Variants in ZNF735 observed in about 807,000 individuals in gnomAD.
ZNF735 encodes the protein zinc finger protein 735, also known as putative zinc finger protein 735.
Under a neutral mutation model 13.4 loss-of-function variants are expected in ZNF735, and 11 were observed. The observed-to-expected ratio is 0.82, with a 90% CI of 0.52 to 1.36. ZNF735 has a LOEUF of 1.36. ZNF735 is among the 40% of genes most tolerant of loss of function. The pLI is 0.00. For synonymous variants in ZNF735, 171 were observed against 162.6 expected (o/e 1.05, Z -0.39); for missense variants, 500 against 484.6 (o/e 1.03, Z -0.30).
intron 3 of ZNF735, among the ~76,000 whole-genome samples, chr7:64,215,343 C>A (rs1787407374): frequency 6.6e-6 from 1 of 152,150 alleles, no homozygotes; most frequent in Admixed American, 6.5e-5. Context: ...CATGAGTGAG[C>A]CACTGCACCC....
chr7:64,213,742 C>G (rs1787387374), intron 2 of ZNF735, among the ~76,000 whole-genome samples: 1 of 152,086 alleles, frequency 6.6e-6, no homozygotes, highest in Non-Finnish European at 1.5e-5. Flanking sequence ...AGGCAGATCA[C>G]AAGGTCAGGA....
chr7:64,210,728 T>A (rs1228884751), intron 1 of ZNF735, among the ~76,000 whole-genome samples: 1 of 151,728 alleles, frequency 6.6e-6, no homozygotes, highest in Non-Finnish European at 1.5e-5. Context: ...TTTTATTAGT[T>A]ATGGAGAAGC....
At chr7:64,211,558 G>C (rs564817415) in intron 1 of ZNF735, among the ~76,000 whole-genome samples, 1 of 152,092 alleles carries the variant, frequency 6.6e-6, no homozygotes, top group African/African-American at 2.4e-5. Flanking sequence ...GCATAAAACT[G>C]ATGTTTCTTT....
rs1787392628 is a variant in ZNF735, at chr7:64,214,142, T to C, written c.262+34T>C. On this transcript the variant is annotated intron_variant, in intron 3 of 3. Transcript: ENST00000429565. ...GAGCAAATGAAGCAGATGACACGGATGAGATGTCCACAAGTCAAGGAGGTA... is the reference window on the plus strand; with the variant it reads ...GAGCAAATGAAGCAGATGACACGGACGAGATGTCCACAAGTCAAGGAGGTA... The C allele has an allele frequency of 5.0e-6, 8 of 1,591,302 alleles. No individual in the cohort carries two copies. The East Asian group carries it at 1.8e-4, about 36-fold the overall frequency.
intron 2 of ZNF735, among the ~76,000 whole-genome samples, 178 bp from the exon 3 acceptor site, chr7:64,213,835 T>C (rs1371626068): frequency 6.6e-6 from 1 of 152,050 alleles, no homozygotes; most frequent in African/African-American, 2.4e-5. Context: ...GGTATGTGCC[T>C]GTAGTCCCAG....
intron 3 of ZNF735, among the ~76,000 whole-genome samples, chr7:64,217,301 C>T (rs995480523): frequency 1.3e-5 from 2 of 152,178 alleles, no homozygotes; most frequent in Admixed American, 1.3e-4. Context: ...TCCTCATATC[C>T]TCACCAGAAA....
intron 1 of ZNF735, among the ~76,000 whole-genome samples, chr7:64,208,163 G>T (rs1787312553): frequency 6.7e-6 from 1 of 148,984 alleles, no homozygotes; most frequent in Non-Finnish European, 1.5e-5. Flanking sequence ...AAATTTATTG[G>T]TTATGTCATC....
chr7:64,208,627 C>T (rs916870209), intron 1 of ZNF735, among the ~76,000 whole-genome samples: 3 of 151,840 alleles, frequency 2.0e-5, no homozygotes, highest in African/African-American at 7.3e-5. Context: ...TAGGTAAAAT[C>T]ATATCATGAA....
chr7:64,207,986 C>G (rs984344337), intron 1 of ZNF735, among the ~76,000 whole-genome samples: 19 of 143,064 alleles, frequency 1.3e-4, no homozygotes, highest in Non-Finnish European at 2.6e-4. Context: ...GACTCCACCT[C>G]AAAAAAAAAA....
chr7:64,211,380 G>A (rs886298312), intron 1 of ZNF735, among the ~76,000 whole-genome samples: 7 of 152,154 alleles, frequency 4.6e-5, no homozygotes, highest in African/African-American at 1.4e-4. Context: ...TTAGTTCCAT[G>A]CAGAACAGGG....
chr7:64,214,230 G>A, intron 3 of ZNF735, 122 bp downstream of exon 3: 2 of 1,091,172 alleles, frequency 1.8e-6, no homozygotes, highest in South Asian at 3.3e-5. Context: ...TGAGAAGCTT[G>A]AGTATTTTTT....
intron 1 of ZNF735, among the ~76,000 whole-genome samples, chr7:64,209,233 T>TTC (rs1787329032): frequency 1.3e-5 from 2 of 152,152 alleles, no homozygotes; most frequent in African/African-American, 4.8e-5. Context: ...GTTCCGTTTT[T>TTC]TTTTTTTGAC....
intron 1 of ZNF735, among the ~76,000 whole-genome samples, chr7:64,211,062 C>CT (rs1440037296): frequency 6.6e-6 from 1 of 152,184 alleles, no homozygotes; most frequent in Admixed American, 6.5e-5. Flanking sequence ...TGTACTTGTA[C>CT]TGTTGATCCC....
intron 1 of ZNF735, among the ~76,000 whole-genome samples, chr7:64,207,484 T>G (rs1003927065): frequency 6.6e-6 from 1 of 152,190 alleles, no homozygotes; most frequent in African/African-American, 2.4e-5. Flanking sequence ...TGGAGCCCTC[T>G]CTGGGCAGCT....
exon 4 of ZNF735, chr7:64,220,129 A>C: frequency 2.0e-5 from 32 of 1,613,698 alleles, no homozygotes; most frequent in Non-Finnish European, 2.5e-5. Context: ...AGAATGTGGC[A>C]GAACCTTTAA....
chr7:64,219,607 A>C (rs1562834192), exon 4 of ZNF735: 6 of 1,574,990 alleles, frequency 3.8e-6, no homozygotes, highest in Admixed American at 1.9e-5. Context: ...GAAACATTTG[A>C]AATGTAAAAA....
intron 1 of ZNF735, among the ~76,000 whole-genome samples, chr7:64,209,980 T>C (rs1037484973): frequency 9.2e-5 from 14 of 152,198 alleles, no homozygotes; most frequent in African/African-American, 3.4e-4. Flanking sequence ...GTTTTTTGTA[T>C]TGAATTATTA....
chr7:64,210,812 T>C (rs1787350989), intron 1 of ZNF735, among the ~76,000 whole-genome samples: 1 of 152,234 alleles, frequency 6.6e-6, no homozygotes, highest in Admixed American at 6.5e-5. Flanking sequence ...TCTGCAAGTC[T>C]CGGTCTTTCT....
chr7:64,207,386 C>T (rs1317499840), intron 1 of ZNF735, 145 bp downstream of exon 1: 10 of 1,478,886 alleles, frequency 6.8e-6, no homozygotes, highest in African/African-American at 1.4e-5. Context: ...CGGCTGTTAG[C>T]CCCCTCCAGC....
Sources: allele counts gnomAD v4.1 joint callset (sites outside exome capture counted in the v4.1 genomes callset), GRCh38; gene constraint gnomAD v4.1.1; transcripts MANE v1.5; gene names NCBI Gene and HGNC (gene_info 2026-07-23, HGNC 2026-07-21).